ERVK3-1: variants seen among roughly 807,000 people sequenced by gnomAD.
ERVK3-1 encodes HERV-K(HML6-1).
downstream of ERVK3-1, among the ~76,000 whole-genome samples, chr19:58,316,021 C>T (rs981540934): frequency 1.3e-5 from 2 of 152,100 alleles, no homozygotes; most frequent in Non-Finnish European, 2.9e-5. Flanking sequence ...TGAGGCCAAG[C>T]AATGTGGAGA....
intron 2 of ERVK3-1, among the ~76,000 whole-genome samples, chr19:58,308,835 G>C (rs1165154198): frequency 6.6e-6 from 1 of 152,176 alleles, no homozygotes; most frequent in African/African-American, 2.4e-5. Context: ...ACATATAAAA[G>C]TATCAGTTAG....
chr19:58,313,681 A>G lies in ERVK3-1; in HGVS notation c.295-1067A>G, dbSNP rs1281852306. On this transcript the variant is annotated intron_variant, in intron 3 of 3. Transcript: ENST00000413518. The surrounding 1 kb of genome is among the most constrained non-coding windows in gnomAD (Gnocchi z 4.5). ...CCCAGTTGACTTGTGACTCTTGTCAACTGTATCACTGCCTCAATCATAGCA... is the reference window on the plus strand; with the variant it reads ...CCCAGTTGACTTGTGACTCTTGTCAGCTGTATCACTGCCTCAATCATAGCA... 2.0e-5 allele frequency among the ~76,000 whole-genome samples: 3 copies of G among 152,220 alleles called. No individual in the cohort carries two copies. Among genetic ancestry groups the G allele is most frequent in the African/African-American group, 7.2e-5 (3 of 41,448 alleles).
chr19:58,308,443 G>A (rs1371408358), intron 2 of ERVK3-1, among the ~76,000 whole-genome samples: 1 of 152,230 alleles, frequency 6.6e-6, no homozygotes, highest in Admixed American at 6.5e-5. Context: ...GGACAGCCAT[G>A]TACTTTTCAA....
intron 2 of ERVK3-1, among the ~76,000 whole-genome samples, chr19:58,307,073 T>A (rs1407508193): frequency 6.6e-6 from 1 of 152,208 alleles, no homozygotes; most frequent in Non-Finnish European, 1.5e-5. Context: ...ACAGAGGAAA[T>A]GCTATTGGGT....
chr19:58,307,208 T>C (rs1312047046), intron 2 of ERVK3-1, among the ~76,000 whole-genome samples: 1 of 152,220 alleles, frequency 6.6e-6, no homozygotes, highest in Non-Finnish European at 1.5e-5. Flanking sequence ...TAAAATCTTT[T>C]CCGCATATCA....
In ERVK3-1 at chr19:58,313,624, A is replaced by G. The variant is rs1337788400; in HGVS notation, c.295-1124A>G. On this transcript the variant is annotated intron_variant, in intron 3 of 3. Transcript: ENST00000413518. The surrounding 1 kb of genome is among the most constrained non-coding windows in gnomAD (Gnocchi z 4.5). The stretch of plus-strand genomic sequence containing the variant: ...TTTTTAATCCCTATGTTTTTCTAGC[A>G]TCTAAGAAGGACCAACTCCACGTAA... Among the ~76,000 whole-genome samples, 1 of 152,160 alleles carries G rather than the reference A, an allele frequency of 6.6e-6. No homozygotes were observed. Among genetic ancestry groups the G allele is most frequent in the African/African-American group, 2.4e-5 (1 of 41,442 alleles).
downstream of ERVK3-1, among the ~76,000 whole-genome samples, chr19:58,316,366 G>A (rs1390755933): frequency 6.6e-6 from 1 of 152,120 alleles, no homozygotes; most frequent in Non-Finnish European, 1.5e-5. Context: ...AGTATGGTTG[G>A]CAAACTCTTC....
chr19:58,310,184 C>T lies in ERVK3-1; in HGVS notation c.-3-1982C>T, dbSNP rs980648784. On this transcript the variant is annotated intron_variant, in intron 2 of 3. Coordinates refer to ENST00000413518, the Ensembl canonical transcript of ERVK3-1. This position sits in a 1 kb window ranked among gnomAD's most constrained non-coding sequence, Gnocchi z 4.7. ...GTTTTAAAGCTCACAGCTTTATTTC[C>T]TATTAATATTGTCTGTAATTCAGCC... 2.0e-5 allele frequency: 3 copies of T among 152,198 alleles called. No individual in the cohort carries two copies. The highest frequency in any genetic ancestry group is 7.2e-5 in the African/African-American group (3 of 41,434). 9.4% of individuals were successfully genotyped at this position (152,198 alleles called of 1,614,324 possible).
At chr19:58,311,890 G>T in intron 2 of ERVK3-1, 2 of 248,286 alleles carry the variant, frequency 8.1e-6, no homozygotes, top group Non-Finnish European at 7.6e-6. Context: ...ATTATTGAGC[G>T]GGTACATCAA....
chr19:58,307,057 A>G (rs1412844154), intron 2 of ERVK3-1, among the ~76,000 whole-genome samples: 1 of 152,228 alleles, frequency 6.6e-6, no homozygotes, highest in Non-Finnish European at 1.5e-5. Flanking sequence ...TGGACATGGG[A>G]ACATTACAGA....
intron 3 of ERVK3-1, among the ~76,000 whole-genome samples, chr19:58,314,383 T>G (rs2051576458): frequency 6.6e-6 from 1 of 151,536 alleles, no homozygotes. Flanking sequence ...TCCCAGCACT[T>G]TGGGAGGCCG....
chr19:58,306,814 C>T (rs2051526878), intron 2 of ERVK3-1, among the ~76,000 whole-genome samples: 2 of 152,048 alleles, frequency 1.3e-5, no homozygotes, highest in African/African-American at 2.4e-5. Context: ...TATTCATGAA[C>T]ACACTCCAGT....
intron 2 of ERVK3-1, chr19:58,311,678 T>C (rs2051557665): frequency 6.6e-6 from 1 of 152,324 alleles, no homozygotes; most frequent in Non-Finnish European, 1.5e-5. Flanking sequence ...TACTCCCATA[T>C]GTTACATGCC....
intron 2 of ERVK3-1, chr19:58,306,592 T>C (rs56236214): frequency 0.019 from 2,862 of 152,336 alleles, 49 homozygotes; most frequent in Non-Finnish European, 0.028. Context: ...ATCTCAAAAA[T>C]TGAAAGAATC....
chr19:58,306,642 G>A (rs1326090058), intron 2 of ERVK3-1: 1 of 152,164 alleles, frequency 6.6e-6, no homozygotes, highest in Non-Finnish European at 1.5e-5. Flanking sequence ...ATGATAAACA[G>A]GAGAGGGAGG....
intron 2 of ERVK3-1, 128 bp downstream of exon 2, chr19:58,306,344 C>T (rs1938753966): frequency 6.6e-6 from 1 of 152,122 alleles, no homozygotes; most frequent in African/African-American, 2.4e-5. Flanking sequence ...ATCTGGTGCT[C>T]GGGTTAGTTC....
exon 4 of ERVK3-1, chr19:58,315,098 AT>A (rs1472358042): frequency 1.1e-5 from 3 of 272,282 alleles, no homozygotes; most frequent in Non-Finnish European, 2.0e-5. Context: ...ACCGACAGTT[AT>A]CCCTTCCTCC....
At chr19:58,307,055 G>A (rs2051528365) in intron 2 of ERVK3-1, among the ~76,000 whole-genome samples, 1 of 152,224 alleles carries the variant, frequency 6.6e-6, no homozygotes, top group South Asian at 2.1e-4. Flanking sequence ...GCTGGACATG[G>A]GAACATTACA....
exon 4 of ERVK3-1, chr19:58,314,864 T>G (rs1423882834): frequency 1.3e-5 from 5 of 399,006 alleles, no homozygotes; most frequent in Non-Finnish European, 1.8e-5. Context: ...GGAATGAGGG[T>G]CGTGACCAAC....
Sources: gnomAD v4.1 joint callset for allele counts (sites outside exome capture counted in the v4.1 genomes callset) on GRCh38, gnomAD v4.1.1 for gene constraint, Gnocchi (gnomAD v3.1) non-coding constraint, MANE v1.5 for transcripts, NCBI Gene and HGNC (gene_info 2026-07-23, HGNC 2026-07-21) for gene names.